SPAG16: variants seen among roughly 807,000 people sequenced by gnomAD.
The protein encoded by SPAG16 is sperm-associated antigen 16 protein.
Under a neutral mutation model 80.4 loss-of-function variants are expected in SPAG16, and 86 were observed. The observed-to-expected ratio is 1.07, with a 90% confidence interval of 0.90 to 1.28. The LOEUF (loss-of-function observed/expected upper bound fraction) is 1.28. Ranked by LOEUF, SPAG16 falls within the 50% of genes most tolerant of loss-of-function variation. The pLI, the probability that SPAG16 is intolerant of heterozygous loss-of-function variation, is 0.00. For synonymous variants in SPAG16, 294 were observed against 265.9 expected (o/e 1.11, Z -1.03); for missense variants, 870 against 765.3 (o/e 1.14, Z -1.61).
chr2:213,354,973 G>A (rs928190850), intron 7 of SPAG16, among the ~76,000 whole-genome samples: 1 of 152,040 alleles, frequency 6.6e-6, no homozygotes, highest in Non-Finnish European at 1.5e-5. Context: ...CCTAGGTTCT[G>A]TTCTAGGGTT....
intron 15 of SPAG16, among the ~76,000 whole-genome samples, chr2:214,359,149 G>A (rs1259032810): frequency 6.6e-6 from 1 of 151,756 alleles, no homozygotes; most frequent in Non-Finnish European, 1.5e-5. Flanking sequence ...CTATTGTCAG[G>A]CACTGCTCTA....
At chr2:213,762,813 A>G (rs2068733222) in intron 10 of SPAG16, among the ~76,000 whole-genome samples, 1 of 152,326 alleles carries the variant, frequency 6.6e-6, no homozygotes, top group African/African-American at 2.4e-5. Context: ...GCTTCTGTAC[A>G]ACAAAGGAAG....
intron 12 of SPAG16, among the ~76,000 whole-genome samples, chr2:213,935,113 G>A (rs1183422746): frequency 6.7e-6 from 1 of 149,358 alleles, no homozygotes; most frequent in Non-Finnish European, 1.5e-5. Flanking sequence ...GAGGCAGAAG[G>A]ATGGCATGAA....
At position 214,003,893 on chromosome 2, in the gene SPAG16, G is replaced by A. The variant is rs531871958; in HGVS notation, c.1401-10058G>A. 4.6e-5 allele frequency among the ~76,000 whole-genome samples: 7 copies of A among 152,218 alleles called. No individual in the cohort carries two copies. In the South Asian group the frequency reaches 1.2e-3, roughly 27 times the overall value. On this transcript the variant is annotated intron_variant, in intron 12 of 15. Transcript: ENST00000331683. Reference sequence around the variant, plus strand: ...TTAGGATCACTAGACAGCACATAGCGCTACAGCCAAGGGCTGTTTTAAATA... The same window carrying A: ...TTAGGATCACTAGACAGCACATAGCACTACAGCCAAGGGCTGTTTTAAATA...
At chr2:213,474,016 T>C (rs561557696) in intron 9 of SPAG16, among the ~76,000 whole-genome samples, 2 of 152,140 alleles carry the variant, frequency 1.3e-5, no homozygotes, top group Non-Finnish European at 2.9e-5. Flanking sequence ...ACAGGGTTTA[T>C]CTCCTCAGAC....
intron 13 of SPAG16, among the ~76,000 whole-genome samples, chr2:214,102,231 G>A (rs2053097225): frequency 1.3e-5 from 2 of 151,648 alleles, no homozygotes; most frequent in South Asian, 2.1e-4. Flanking sequence ...ATGAGAAGAC[G>A]GAGGAGTGGA....
chr2:214,269,092 A>T (rs1475455253), intron 15 of SPAG16, among the ~76,000 whole-genome samples: 1 of 152,014 alleles, frequency 6.6e-6, no homozygotes, highest in African/African-American at 2.4e-5. Flanking sequence ...TTAAATTATC[A>T]TGGTGGACAT....
intron 13 of SPAG16, among the ~76,000 whole-genome samples, chr2:214,016,024 C>T (rs1033070): frequency 0.4 from 61,083 of 151,692 alleles, 12,655 homozygotes; most frequent in South Asian, 0.69. Context: ...AGGAGGAGTT[C>T]AGGGTGAGAA....
intron 15 of SPAG16, among the ~76,000 whole-genome samples, chr2:214,186,105 T>G (rs570469250): frequency 7.2e-4 from 110 of 152,266 alleles, no homozygotes; most frequent in African/African-American, 2.4e-3. Flanking sequence ...ATTAAATGAT[T>G]CTTTCAACAA....
At chr2:213,796,398 T>C (rs1428178277) in intron 10 of SPAG16, among the ~76,000 whole-genome samples, 1 of 152,238 alleles carries the variant, frequency 6.6e-6, no homozygotes, top group East Asian at 1.9e-4. Flanking sequence ...AATTTGTGTT[T>C]TTTAATGTCT....
At chr2:213,410,275 A>G (rs1035594546) in intron 9 of SPAG16, among the ~76,000 whole-genome samples, 4 of 152,218 alleles carry the variant, frequency 2.6e-5, no homozygotes, top group Non-Finnish European at 4.4e-5. Flanking sequence ...AAGCAAGTCA[A>G]TTTTGCCTCA....
At chr2:213,450,187 C>A (rs1559144849) in intron 9 of SPAG16, among the ~76,000 whole-genome samples, 1 of 152,128 alleles carries the variant, frequency 6.6e-6, no homozygotes, top group Non-Finnish European at 1.5e-5. Context: ...GCCTGTAATC[C>A]CAGCTACTTG....
intron 10 of SPAG16, among the ~76,000 whole-genome samples, chr2:213,696,600 C>T (rs2065161838): frequency 6.6e-6 from 1 of 151,960 alleles, no homozygotes; most frequent in Non-Finnish European, 1.5e-5. Context: ...GCTATAGAAG[C>T]TAAGAAAAGA....
intron 15 of SPAG16, among the ~76,000 whole-genome samples, chr2:214,170,055 T>C (rs555320484): frequency 6.6e-6 from 1 of 152,062 alleles, no homozygotes; most frequent in South Asian, 2.1e-4. Flanking sequence ...ATAATATAAA[T>C]TTTATACCAC....
chr2:214,322,776 G>C (rs954451503), intron 15 of SPAG16, among the ~76,000 whole-genome samples: 1 of 152,162 alleles, frequency 6.6e-6, no homozygotes, highest in Non-Finnish European at 1.5e-5. Flanking sequence ...CTCCAGGGAA[G>C]AAGGTGAGTC....
intron 11 of SPAG16, among the ~76,000 whole-genome samples, chr2:213,869,661 T>TTTTTG (rs1553648950): frequency 4.2e-5 from 6 of 142,600 alleles, no homozygotes; most frequent in Non-Finnish European, 6.1e-5. Flanking sequence ...TTTTTTTTTT[T>TTTTTG]GTCTAATTCC....
At chr2:213,747,453 C>T (rs886732533) in intron 10 of SPAG16, among the ~76,000 whole-genome samples, 2 of 152,102 alleles carry the variant, frequency 1.3e-5, no homozygotes, top group African/African-American at 4.8e-5. Flanking sequence ...ATTTACTCGC[C>T]ACTCACTCAC....
chr2:213,293,879 C>T (rs2062395598), intron 1 of SPAG16, among the ~76,000 whole-genome samples: 1 of 152,166 alleles, frequency 6.6e-6, no homozygotes, highest in South Asian at 2.1e-4. Context: ...CACACCCAAG[C>T]TAATTAACCT....
In SPAG16 at chr2:213,836,176, G is replaced by GCCC. The variant is rs34179878; in HGVS notation, c.1071-26300_1071-26298dup. ...AAAACTTAAGGAATTTTCATTATTC[G>GCCC]CCCCCCCCCCCATTTCCTATGTCTG... On this transcript the variant is annotated intron_variant, in intron 10 of 15. Coordinates refer to ENST00000331683, the MANE Select transcript of SPAG16 (RefSeq NM_024532.5). Among the ~76,000 whole-genome samples, 323 of 128,394 alleles carry GCCC rather than the reference G, an allele frequency of 2.5e-3. 6 individuals carry two copies. Among genetic ancestry groups the GCCC allele is most frequent in the African/African-American group, 7.8e-3 (263 of 33,736 alleles). The allele number at this position is 128,394 out of a possible 152,430, so 84.2% of individuals were successfully genotyped here.
Sources: gnomAD v4.1 joint callset for allele counts (sites outside exome capture counted in the v4.1 genomes callset) on GRCh38, gnomAD v4.1.1 for gene constraint, MANE v1.5 for transcripts, NCBI Gene and HGNC (gene_info 2026-07-23, HGNC 2026-07-21) for gene names.